Variants in ZSCAN21 observed in about 807,000 individuals in gnomAD.
ZSCAN21 encodes the protein zinc finger and SCAN domain containing 21.
ZSCAN21 carries 26 observed loss-of-function variants against 35.6 expected under a neutral mutation model. That is an observed-to-expected ratio of 0.73 (90% CI 0.54 to 1.01). The LOEUF is 1.01. Among genes scored for constraint, ZSCAN21 ranks in the 50% least tolerant of loss-of-function variants. ZSCAN21 has a pLI of 0.00. For synonymous variants in ZSCAN21, 219 were observed against 219.3 expected, an observed-to-expected ratio of 1.00 and a Z score of 0.01; for missense variants, 593 against 587.1, an observed-to-expected ratio of 1.01 and a Z score of -0.10.
At position 100,056,968 on chromosome 7, in the gene ZSCAN21, CAG is replaced by C. The variant is rs773086976; in HGVS notation, c.-36_-35del. The C allele has an allele frequency of 2.6e-6, 4 of 1,530,762 alleles. No individual in the cohort carries two copies. The highest frequency in any genetic ancestry group is 3.5e-6 in the Non-Finnish European group (4 of 1,139,198). 94.8% of individuals were successfully genotyped at this position (1,530,762 alleles called of 1,614,324 possible). A position where few individuals can be genotyped will look rare whatever the true frequency, so the allele number is the denominator to read the frequency against. On this transcript the variant is annotated 5_prime_UTR_variant, in exon 2 of 4. Coordinates refer to ENST00000292450, the MANE Select transcript of ZSCAN21 (RefSeq NM_145914.3). ...CAAAGGAACGAATATTCCTGCCCCA[CAG>C]AGTCCCATCTTTGGTGAGGCTGTTT...
Position 100,064,665 on chromosome 7 carries a change from A to C in ZSCAN21, c.*48A>C, listed in dbSNP as rs1792547120. 1 of 1,602,638 alleles carries C rather than the reference A, an allele frequency of 6.2e-7. No individual in the cohort carries two copies. The highest frequency in any genetic ancestry group is 8.5e-7 in the Non-Finnish European group (1 of 1,173,672). The stretch of plus-strand genomic sequence containing the variant: ...TCGTTGTTTTAAACTTTAGAATCTG[A>C]AAACCAGAAAGAAGTCTTGTCATTG... On this transcript the variant is annotated 3_prime_UTR_variant, in exon 4 of 4. Coordinates refer to ENST00000292450, the MANE Select transcript of ZSCAN21 (RefSeq NM_145914.3).
At chr7:100,054,598 TTTTTTTCC>T in intron 1 of ZSCAN21, among the ~76,000 whole-genome samples, 1 of 151,930 alleles carries the variant, frequency 6.6e-6, no homozygotes, top group Non-Finnish European at 1.5e-5. Flanking sequence ...TCTGTATGCA[TTTTTTTCC>T]GTGCCTTACA....
Position 100,064,411 on chromosome 7 carries a change from C to G in ZSCAN21, c.1216C>G (p.His406Asp), listed in dbSNP as rs765805854. Residue 406 changes from histidine to aspartate, a missense_variant, in exon 4 of 4, where the codon CAC (histidine) becomes GAC (aspartate). Coordinates refer to ENST00000292450, the MANE Select transcript of ZSCAN21 (RefSeq NM_145914.3). ...CAGTCAGCATGCGGGCCTCAGCTCC[C>G]ACCAGAGACTCCACACCGGAGAGAA... is the stretch of plus-strand genomic sequence containing the variant. ...SFSQHAGLSS[H>D]QRLHTGEKPY... 1 of 1,609,862 alleles carries G rather than the reference C, an allele frequency of 6.2e-7. No individual in the cohort carries two copies. Among genetic ancestry groups the G allele is most frequent in the Non-Finnish European group, 8.5e-7 (1 of 1,178,294 alleles).
intron 3 of ZSCAN21, among the ~76,000 whole-genome samples, chr7:100,058,884 A>G (rs2116115308): frequency 6.6e-6 from 1 of 152,340 alleles, no homozygotes; most frequent in East Asian, 1.9e-4. Flanking sequence ...TTGTACAGAC[A>G]GGGTCTCACT....
Position 100,065,027 on chromosome 7 carries a change from A to G in ZSCAN21, c.*410A>G, listed in dbSNP as rs1417093972. ...ATTGAATGAGATTCAGAATAAACTT[A>G]TAACATCTTGTAATGCCTCAGGACT... On this transcript the variant is annotated 3_prime_UTR_variant, in exon 4 of 4. Coordinates refer to ENST00000292450, the MANE Select transcript of ZSCAN21 (RefSeq NM_145914.3). 6.7e-6 allele frequency: 9 copies of G among 1,351,364 alleles called. No homozygotes were observed. The highest frequency in any genetic ancestry group is 1.9e-4 in the Middle Eastern group (1 of 5,174). The allele number at this position is 1,351,364 out of a possible 1,614,324, so 83.7% of individuals were successfully genotyped here. A position where few individuals can be genotyped will look rare whatever the true frequency, so the allele number is the denominator to read the frequency against.
chr7:100,057,848 G>A lies in ZSCAN21; in HGVS notation c.550G>A (p.Gly184Ser). Reference sequence around the variant, plus strand: ...GGGGCCCCTGTACATCCAAGAGTCTGGTGAGGAGCAGGAGTTCGCTCAAGA... The same window carrying A: ...GGGGCCCCTGTACATCCAAGAGTCTAGTGAGGAGCAGGAGTTCGCTCAAGA... ...SWGPLYIQES[G>S]EEQEFAQDPR... Residue 184 changes from glycine to serine, a missense_variant, in exon 3 of 4, where the codon GGT (glycine) becomes AGT (serine). Physicochemically the swap from Gly to Ser is moderately conservative, Grantham distance 56 (BLOSUM62 0). Transcript: ENST00000292450. 1.2e-6 allele frequency: 2 copies of A among 1,613,280 alleles called. No homozygotes were observed. Among genetic ancestry groups the A allele is most frequent in the Middle Eastern group, 1.7e-4 (1 of 6,058 alleles).
intron 3 of ZSCAN21, among the ~76,000 whole-genome samples, chr7:100,061,017 G>C (rs932790504): frequency 1.1e-4 from 17 of 151,646 alleles, no homozygotes; most frequent in African/African-American, 4.1e-4. Context: ...AGTGACCTGA[G>C]ATTGCACCAC....
intron 1 of ZSCAN21, among the ~76,000 whole-genome samples, chr7:100,051,282 CTTTTTTTTTT>C (rs1164734568): frequency 1.6e-3 from 56 of 34,966 alleles, no homozygotes; most frequent in Non-Finnish European, 2.4e-3. Context: ...TAGGGATTTT[CTTTTTTTTTT>C]TTTTTTTTTT....
At chr7:100,059,943 C>T (rs1792223535) in intron 3 of ZSCAN21, among the ~76,000 whole-genome samples, 2 of 151,690 alleles carry the variant, frequency 1.3e-5, no homozygotes, top group South Asian at 4.2e-4. Context: ...CTCCTGACCT[C>T]ATGATCCGCC....
chr7:100,057,332 G>T lies in ZSCAN21; in HGVS notation c.326G>T (p.Cys109Phe). 13 of 1,607,100 alleles carry T rather than the reference G, an allele frequency of 8.1e-6. No homozygotes were observed. Among genetic ancestry groups the T allele is most frequent in the Non-Finnish European group, 1.1e-5 (13 of 1,177,022 alleles). ...CTCCAGGCCTGGGTGCAGGAGCATT[G>T]CCCGGAGAGCGCTGAAGAGGCTGTC... Reference protein sequence around the residue: ...QELQAWVQEHCPESAEEAVTL... With the variant: ...QELQAWVQEHFPESAEEAVTL... The change falls in exon 2 of 4, where the codon TGC becomes TTC. Residue 109 changes from cysteine to phenylalanine, a missense_variant. Coordinates refer to ENST00000292450, the MANE Select transcript of ZSCAN21 (RefSeq NM_145914.3).
In ZSCAN21 at chr7:100,064,656, T is replaced by C. The variant is rs778878419; in HGVS notation, c.*39T>C. 6 of 1,603,040 alleles carry C rather than the reference T, an allele frequency of 3.7e-6. No homozygotes were observed. Among genetic ancestry groups the C allele is most frequent in the South Asian group, 2.2e-5 (2 of 89,986 alleles). On this transcript the variant is annotated 3_prime_UTR_variant, in exon 4 of 4. Transcript: ENST00000292450. ...CTGTTGTTGTCGTTGTTTTAAACTT[T>C]AGAATCTGAAAACCAGAAAGAAGTC...
At chr7:100,063,124 G>A (rs958905448) in intron 3 of ZSCAN21, among the ~76,000 whole-genome samples, 2 of 152,196 alleles carry the variant, frequency 1.3e-5, no homozygotes, top group Non-Finnish European at 2.9e-5. Flanking sequence ...TGAACTCCCA[G>A]ACTCAAGCCA....
Position 100,064,091 on chromosome 7 carries a change from A to G in ZSCAN21, c.896A>G (p.His299Arg). The G allele has an allele frequency of 6.2e-7, 1 of 1,614,196 alleles. No individual in the cohort carries two copies. The highest frequency in any genetic ancestry group is 1.1e-5 in the South Asian group (1 of 91,084). The stretch of plus-strand genomic sequence containing the variant: ...AATCTCACCAAACACAGGAGAACAC[A>G]CACTGGGGAGAAACCTTACGTGTGC... ...SSNLTKHRRT[H>R]TGEKPYVCTK... The change falls in exon 4 of 4, where the codon CAC becomes CGC. Residue 299 changes from histidine (H) to arginine (R), a missense_variant. By Grantham distance (29) the His-to-Arg change is conservative. Coordinates refer to ENST00000292450, the MANE Select transcript of ZSCAN21 (RefSeq NM_145914.3).
intron 1 of ZSCAN21, chr7:100,051,393 T>C (rs1785449662): frequency 7.1e-6 from 1 of 140,256 alleles, no homozygotes. Flanking sequence ...TCCCGGGTTC[T>C]AGCCATTCTC....
chr7:100,059,552 T>C (rs1166028951), intron 3 of ZSCAN21, among the ~76,000 whole-genome samples: 3 of 752 alleles, frequency 4.0e-3, no homozygotes, highest in African/African-American at 5.4e-3. Flanking sequence ...GCATAAAGTC[T>C]TTTTTTTTTT....
rs767854371 is a variant in ZSCAN21, at chr7:100,064,127, G to A, written c.932G>A (p.Gly311Glu). 6.2e-7 allele frequency: 1 copy of A among 1,614,132 alleles called. No homozygotes were observed. Among genetic ancestry groups the A allele is most frequent in the Non-Finnish European group, 8.5e-7 (1 of 1,180,026 alleles). Residue 311 changes from glycine (G) to glutamate (E), a missense_variant, in exon 4 of 4, where the codon GGG becomes GAG. Physicochemically the swap from Gly to Glu is moderately conservative, Grantham distance 98. Transcript: ENST00000292450. ...AAACCTTACGTGTGCACCAAGTGTG[G>A]GAAAGCTTTCAGCCACAGCTCAAAC... ...GEKPYVCTKC[G>E]KAFSHSSNLT...
chr7:100,054,241 T>C (rs1791993793), intron 1 of ZSCAN21, among the ~76,000 whole-genome samples: 1 of 151,616 alleles, frequency 6.6e-6, no homozygotes, highest in Non-Finnish European at 1.5e-5. Context: ...ATAGTGTGTT[T>C]TGTTTTTTGT....
At chr7:100,053,546 A>ATACATAGGT (rs755978112) in intron 1 of ZSCAN21, among the ~76,000 whole-genome samples, 1 of 79,488 alleles carries the variant, frequency 1.3e-5, no homozygotes, top group Admixed American at 1.2e-4. Context: ...TACATACATA[A>ATACATAGGT]TTTTTTTTTT....
chr7:100,050,630 G>A (rs1254703915), intron 1 of ZSCAN21, among the ~76,000 whole-genome samples: 8 of 151,890 alleles, frequency 5.3e-5, no homozygotes, highest in Non-Finnish European at 7.4e-5. Flanking sequence ...CCCACCAGGT[G>A]GAGGTTGCAC....
Sources: allele counts gnomAD v4.1 joint callset (sites outside exome capture counted in the v4.1 genomes callset), GRCh38; gene constraint gnomAD v4.1.1; transcripts MANE v1.5; gene names NCBI Gene and HGNC (gene_info 2026-07-23, HGNC 2026-07-21).